The following C6 variants were observed in gnomAD, a reference collection of about 807,000 sequenced individuals.
The protein encoded by C6 is complement component C6.
In C6, 101 loss-of-function variants were observed where a neutral mutation model predicts 112.9. That is an observed-to-expected ratio of 0.89 (90% confidence interval 0.76 to 1.06). The LOEUF (loss-of-function observed/expected upper bound fraction) is 1.06. Ranked by LOEUF, C6 falls within the 50% of genes least tolerant of loss-of-function variation. C6 has a pLI of 0.00. For synonymous variants in C6, 431 were observed against 384.1 expected (o/e 1.12, Z -1.43); for missense variants, 1,202 against 1,104.6 (o/e 1.09, Z -1.25).
At chr5:41,146,926 A>C (rs1459877704) in intron 17 of C6, among the ~76,000 whole-genome samples, 1 of 152,118 alleles carries the variant, frequency 6.6e-6, no homozygotes, top group Admixed American at 6.6e-5. Flanking sequence ...GATAGCAAAA[A>C]AAAAAATTAT....
intron 1 of C6, chr5:41,203,580 T>C: frequency 6.3e-5 from 17 of 269,356 alleles, no homozygotes; most frequent in South Asian, 2.0e-4. Context: ...AGTCTTACCC[T>C]TCTCAAAACA....
chr5:41,231,126 T>G (rs1287356692), intron 1 of C6, among the ~76,000 whole-genome samples: 1 of 152,180 alleles, frequency 6.6e-6, no homozygotes, highest in African/African-American at 2.4e-5. Flanking sequence ...CAGTTGGATC[T>G]TGTTTTCTTA....
intron 1 of C6, among the ~76,000 whole-genome samples, chr5:41,248,850 T>C (rs995267748): frequency 6.6e-6 from 1 of 151,996 alleles, no homozygotes; most frequent in African/African-American, 2.4e-5. Flanking sequence ...ATCATTCTAC[T>C]AAAAAGACAC....
chr5:41,235,509 C>T (rs1357349671), intron 1 of C6, among the ~76,000 whole-genome samples: 2 of 143,826 alleles, frequency 1.4e-5, no homozygotes, highest in Admixed American at 6.9e-5. Context: ...CAAGTCTTTG[C>T]TATTGTGAAT....
At chr5:41,188,498 A>C (rs1402313694) in intron 5 of C6, among the ~76,000 whole-genome samples, 2 of 152,080 alleles carry the variant, frequency 1.3e-5, no homozygotes, top group African/African-American at 4.8e-5. Flanking sequence ...ATTTTCAACA[A>C]GGGTGCCAAG....
chr5:41,174,465 G>A (rs571039732), intron 8 of C6, among the ~76,000 whole-genome samples: 52 of 152,268 alleles, frequency 3.4e-4, no homozygotes, highest in African/African-American at 1.2e-3. Flanking sequence ...CCAATTCAGT[G>A]TAGAAGATGA....
At chr5:41,242,692 C>T (rs1740790887) in intron 1 of C6, among the ~76,000 whole-genome samples, 1 of 152,002 alleles carries the variant, frequency 6.6e-6, no homozygotes, top group Admixed American at 6.6e-5. Context: ...TTTCAATTCT[C>T]TCATGTTTGC....
At chr5:41,213,614 T>A, upstream of C6, 2 of 917,466 alleles carry the variant, frequency 2.2e-6, no homozygotes, top group Non-Finnish European at 2.6e-6. Flanking sequence ...GTAGTAACCC[T>A]GAAACTCTGG....
intron 1 of C6, among the ~76,000 whole-genome samples, chr5:41,234,318 C>T (rs555782847): frequency 6.8e-6 from 1 of 146,058 alleles, no homozygotes; most frequent in Non-Finnish European, 1.5e-5. Flanking sequence ...GTGTGGGATA[C>T]TTTGTTATTC....
chr5:41,205,814 G>A (rs984598237), intron 1 of C6, among the ~76,000 whole-genome samples: 1 of 152,196 alleles, frequency 6.6e-6, no homozygotes, highest in Non-Finnish European at 1.5e-5. Context: ...TGAACAAAAG[G>A]CAGCAGAAAC....
At chr5:41,248,482 GAACA>G (rs1741152994) in intron 1 of C6, among the ~76,000 whole-genome samples, 1 of 152,068 alleles carries the variant, frequency 6.6e-6, no homozygotes, top group African/African-American at 2.4e-5. Flanking sequence ...AAGGAGCAAA[GAACA>G]AACAACCTCA....
intron 17 of C6, among the ~76,000 whole-genome samples, chr5:41,144,759 G>A (rs1745659851): frequency 6.6e-6 from 1 of 151,968 alleles, no homozygotes; most frequent in Non-Finnish European, 1.5e-5. Context: ...CCTCAAGTCG[G>A]CCCTGGTGTC....
At position 41,199,850 on chromosome 5, in the gene C6, C is replaced by T; in HGVS notation, c.363G>A (p.Leu121=). The T allele has an allele frequency of 6.2e-7, 1 of 1,613,654 alleles. No homozygotes were observed. Among genetic ancestry groups the T allele is most frequent in the Non-Finnish European group, 8.5e-7 (1 of 1,179,662 alleles). ...ATGGAATGCATGGTTGAAAGGCTAC[C>T]AGAGGCGCAGTGCATGGCTGTCCCC... ...QFGGQPCTAP[L]VAFQPCIPSK... The change falls in exon 4 of 18, where the codon CTG becomes CTA. Residue 121 remains leucine, a synonymous_variant. Coordinates refer to ENST00000337836, the MANE Select transcript of C6 (RefSeq NM_000065.5).
chr5:41,229,132 A>C (rs567855884), intron 1 of C6, among the ~76,000 whole-genome samples: 123 of 151,802 alleles, frequency 8.1e-4, no homozygotes, highest in African/African-American at 3.0e-3. Flanking sequence ...AAGAAAATCA[A>C]CTCTTAATTT....
At chr5:41,248,575 T>G (rs1741157941) in intron 1 of C6, among the ~76,000 whole-genome samples, 1 of 152,108 alleles carries the variant, frequency 6.6e-6, no homozygotes, top group Admixed American at 6.5e-5. Context: ...TGAAAAAACA[T>G]TCCACATCAC....
intron 5 of C6, among the ~76,000 whole-genome samples, chr5:41,191,900 T>G (rs1464438312): frequency 6.6e-6 from 1 of 152,120 alleles, no homozygotes; most frequent in African/African-American, 2.4e-5. Flanking sequence ...CATTTATTTC[T>G]TTTCCTTGCC....
intron 1 of C6, among the ~76,000 whole-genome samples, chr5:41,207,468 G>A (rs1317420214): frequency 6.6e-6 from 1 of 152,190 alleles, no homozygotes; most frequent in Non-Finnish European, 1.5e-5. Context: ...TCAGCGTGCT[G>A]TATTCAGGAG....
intron 1 of C6, among the ~76,000 whole-genome samples, chr5:41,208,915 C>T (rs201535832): frequency 0.088 from 13,336 of 151,786 alleles, 696 homozygotes; most frequent in East Asian, 0.17. Flanking sequence ...AGAGACACAA[C>T]GAAAAAAGAG....
intron 5 of C6, among the ~76,000 whole-genome samples, chr5:41,192,022 G>T (rs551100472): frequency 1.3e-5 from 2 of 152,228 alleles, no homozygotes; most frequent in South Asian, 4.2e-4. Flanking sequence ...TCTCTACCCA[G>T]TATGATGCTA....
Sources: gnomAD v4.1 joint callset for allele counts (sites outside exome capture counted in the v4.1 genomes callset) on GRCh38, gnomAD v4.1.1 for gene constraint, MANE v1.5 for transcripts, NCBI Gene and HGNC (gene_info 2026-07-23, HGNC 2026-07-21) for gene names.